CAMK1D: variants seen among roughly 807,000 people sequenced by gnomAD.
CAMK1D encodes the protein calcium/calmodulin dependent protein kinase ID.
CAMK1D carries 9 observed loss-of-function variants against 47.7 expected under a neutral mutation model. The ratio of observed to expected loss-of-function variants is 0.19; its 90% CI spans 0.11 to 0.33. The LOEUF (loss-of-function observed/expected upper bound fraction) is 0.33, where lower values mean the gene tolerates loss of function less well. Ranked by LOEUF, CAMK1D falls within the 10% of genes least tolerant of loss-of-function variation. CAMK1D has a pLI of 1.00. For missense variants in CAMK1D, 291 were observed against 488.7 expected, an observed-to-expected ratio of 0.60 and a Z score of 3.81; for synonymous variants, 184 against 184.9, an observed-to-expected ratio of 0.99 and a Z score of 0.04.
At chr10:12,427,550 G>A (rs1203586233) in intron 1 of CAMK1D, among the ~76,000 whole-genome samples, 2 of 152,104 alleles carry the variant, frequency 1.3e-5, no homozygotes, top group African/African-American at 2.4e-5. Flanking sequence ...ACAGGTCTGG[G>A]AGGGCAGAGA....
At chr10:12,417,589 G>A (rs1839897892) in intron 1 of CAMK1D, among the ~76,000 whole-genome samples, 2 of 152,092 alleles carry the variant, frequency 1.3e-5, no homozygotes, top group African/African-American at 4.8e-5. Flanking sequence ...TGGGAACTGG[G>A]GTTCAGCCAC....
At chr10:12,654,876 GT>G (rs141356387) in intron 2 of CAMK1D, among the ~76,000 whole-genome samples, 1 of 152,256 alleles carries the variant, frequency 6.6e-6, no homozygotes, top group African/African-American at 2.4e-5. Flanking sequence ...CTTACCAGTG[GT>G]TCTCAAACTT....
intron 1 of CAMK1D, among the ~76,000 whole-genome samples, chr10:12,468,209 C>T (rs1833647794): frequency 6.6e-6 from 1 of 152,148 alleles, no homozygotes; most frequent in African/African-American, 2.4e-5. Flanking sequence ...GTGCTTAACA[C>T]TACATCCAGC....
At chr10:12,766,262 C>G (rs984711538) in intron 4 of CAMK1D, among the ~76,000 whole-genome samples, 6 of 151,218 alleles carry the variant, frequency 4.0e-5, no homozygotes, top group East Asian at 1.9e-4. Context: ...GTGAGCCCCC[C>G]CTCCTCCCCC....
intron 2 of CAMK1D, among the ~76,000 whole-genome samples, chr10:12,562,404 A>G (rs967211676): frequency 4.6e-5 from 7 of 152,208 alleles, no homozygotes; most frequent in Admixed American, 3.3e-4. Context: ...GACACGCTCA[A>G]AGCATGGCAG....
chr10:12,603,341 A>C (rs1402912202), intron 2 of CAMK1D, among the ~76,000 whole-genome samples: 1 of 152,096 alleles, frequency 6.6e-6, no homozygotes, highest in East Asian at 1.9e-4. Context: ...GCAGTGCCTG[A>C]AGCCAGGAAC....
intron 2 of CAMK1D, among the ~76,000 whole-genome samples, chr10:12,580,339 T>C (rs79659251): frequency 8.7e-4 from 19 of 21,874 alleles, no homozygotes; most frequent in African/African-American, 3.3e-3. Context: ...CCTTCCTTCC[T>C]TTTTTTTTTT....
chr10:12,408,504 AC>A (rs1174166322), intron 1 of CAMK1D, among the ~76,000 whole-genome samples: 1 of 152,164 alleles, frequency 6.6e-6, no homozygotes, highest in Admixed American at 6.5e-5. Flanking sequence ...TGTGTTTGAG[AC>A]ACCACAACTA....
At chr10:12,369,358 A>G (rs1363439587) in intron 1 of CAMK1D, among the ~76,000 whole-genome samples, 2 of 152,228 alleles carry the variant, frequency 1.3e-5, no homozygotes, top group African/African-American at 4.8e-5. Flanking sequence ...CCAGGCACTA[A>G]GAAAGTGTTG....
At chr10:12,486,163 CT>C (rs55689904) in intron 1 of CAMK1D, among the ~76,000 whole-genome samples, 108,763 of 143,208 alleles carry the variant, frequency 0.76, 41,105 homozygotes, top group East Asian at 0.97. Context: ...TTGCCAGTCT[CT>C]TTTTTTTTTT....
chr10:12,428,097 C>A (rs1440241923), intron 1 of CAMK1D, among the ~76,000 whole-genome samples: 1 of 152,072 alleles, frequency 6.6e-6, no homozygotes, highest in Non-Finnish European at 1.5e-5. Context: ...TATTCACATG[C>A]CATGGTGGTT....
At chr10:12,749,551 T>TG (rs776500503) in intron 3 of CAMK1D, among the ~76,000 whole-genome samples, 241 of 99,060 alleles carry the variant, frequency 2.4e-3, no homozygotes, top group Middle Eastern at 0.017. Flanking sequence ...TTGTTTGTTT[T>TG]TTGTTTGTTT....
At chr10:12,821,724 C>T (rs1247025310) in intron 8 of CAMK1D, among the ~76,000 whole-genome samples, 1 of 152,194 alleles carries the variant, frequency 6.6e-6, no homozygotes, top group African/African-American at 2.4e-5. Context: ...CCTGTAATCC[C>T]AGCACTTTGG....
chr10:12,785,553 G>A (rs1355525330), intron 5 of CAMK1D, among the ~76,000 whole-genome samples: 1 of 152,166 alleles, frequency 6.6e-6, no homozygotes, highest in African/African-American at 2.4e-5. Flanking sequence ...ATGGAACTGT[G>A]GCTGCATAGT....
chr10:12,419,855 G>A lies in CAMK1D; in HGVS notation c.92+69945G>A, dbSNP rs367832131. Among the ~76,000 whole-genome samples, 23 of 152,268 alleles carry A rather than the reference G, an allele frequency of 1.5e-4. No individual in the cohort carries two copies. In the South Asian group the frequency reaches 4.8e-3, roughly 32 times the overall value. ...ACTCTGGGTGGATCCTGTTGTCATA[G>A]TGATTTAATAAACTAAGTTGAGTTT... On this transcript the variant is annotated intron_variant, in intron 1 of 10. Transcript: ENST00000619168.
At chr10:12,628,047 C>G (rs1299904201) in intron 2 of CAMK1D, among the ~76,000 whole-genome samples, 1 of 151,104 alleles carries the variant, frequency 6.6e-6, no homozygotes, top group Non-Finnish European at 1.5e-5. Context: ...TGCCACTGCA[C>G]TCCAGCCTGG....
chr10:12,796,113 A>G (rs538439259), intron 6 of CAMK1D, among the ~76,000 whole-genome samples: 2 of 152,316 alleles, frequency 1.3e-5, no homozygotes, highest in African/African-American at 4.8e-5. Context: ...TTAAATGATT[A>G]TTTAACGATC....
At chr10:12,538,001 A>G (rs1454604434) in intron 1 of CAMK1D, among the ~76,000 whole-genome samples, 1 of 152,200 alleles carries the variant, frequency 6.6e-6, no homozygotes, top group Non-Finnish European at 1.5e-5. Flanking sequence ...CACTTGCTGG[A>G]TGCCGTATCA....
intron 2 of CAMK1D, among the ~76,000 whole-genome samples, chr10:12,650,203 T>TCC (rs1188451213): frequency 2.0e-5 from 3 of 152,218 alleles, no homozygotes; most frequent in Non-Finnish European, 4.4e-5. Flanking sequence ...CTGATGTGGT[T>TCC]CCCTCTCTCT....
Sources: gnomAD v4.1 joint callset for allele counts (sites outside exome capture counted in the v4.1 genomes callset) on GRCh38, gnomAD v4.1.1 for gene constraint, MANE v1.5 for transcripts, NCBI Gene and HGNC (gene_info 2026-07-23, HGNC 2026-07-21) for gene names.